The following C8orf74 variants were observed in gnomAD, a reference collection of about 807,000 sequenced individuals.
C8orf74 encodes the protein chromosome 8 open reading frame 74, also known as uncharacterized protein C8orf74.
A neutral mutation model predicts 22.2 loss-of-function variants in C8orf74; 29 were observed. The observed-to-expected ratio is 1.31, with a 90% confidence interval of 0.97 to 1.78. The LOEUF (loss-of-function observed/expected upper bound fraction) is 1.78. C8orf74 is among the 40% of genes most tolerant of loss of function. C8orf74 has a pLI of 0.00. For synonymous variants in C8orf74, 255 were observed against 163.1 expected (o/e 1.56, Z -4.30); for missense variants, 515 against 369.9 (o/e 1.39, Z -3.22).
chr8:10,684,919 C>T (rs373980843), intron 2 of C8orf74, among the ~76,000 whole-genome samples: 2 of 152,148 alleles, frequency 1.3e-5, no homozygotes, highest in African/African-American at 4.8e-5. Context: ...CGTCGACGGC[C>T]CATCTGATAA....
intron 2 of C8orf74, among the ~76,000 whole-genome samples, chr8:10,678,592 T>TAA (rs60385154): frequency 1.5e-3 from 192 of 130,968 alleles, no homozygotes; most frequent in Non-Finnish European, 2.7e-3. Context: ...GGAAGTAATT[T>TAA]AAAAAAAAAA....
At chr8:10,674,884 G>C in intron 2 of C8orf74, 46 bp downstream of exon 2, 2 of 1,509,734 alleles carry the variant, frequency 1.3e-6, no homozygotes, top group Non-Finnish European at 1.8e-6. Context: ...GGCGGGATGG[G>C]GTGGGTACAC....
In C8orf74 at chr8:10,674,849, T is replaced by C. The variant is rs1331455197; in HGVS notation, c.241+11T>C. ...TAAGGGAAACCAAAGGTATGGTGTG[T>C]CCAGGGCAGGAGTCAGCAGAGGCTG... On this transcript the variant is annotated intron_variant, in intron 2 of 3. Coordinates refer to ENST00000304519, the MANE Select transcript of C8orf74 (RefSeq NM_001040032.2). 1.3e-6 allele frequency: 2 copies of C among 1,579,258 alleles called. No individual in the cohort carries two copies. The highest frequency in any genetic ancestry group is 1.7e-4 in the Middle Eastern group (1 of 6,026).
chr8:10,686,675 G>C (rs1241344781), intron 2 of C8orf74: 1 of 158,698 alleles, frequency 6.3e-6, no homozygotes, highest in African/African-American at 2.4e-5. Flanking sequence ...GGAATACCTG[G>C]TGGTATTAAA....
intron 2 of C8orf74, chr8:10,689,359 C>A (rs765598223): frequency 6.6e-6 from 1 of 152,192 alleles, no homozygotes; most frequent in Admixed American, 6.5e-5. Flanking sequence ...CTCCTTGGTC[C>A]AGAGAGACTA....
chr8:10,676,825 C>G (rs934024161), intron 2 of C8orf74, among the ~76,000 whole-genome samples: 3 of 152,148 alleles, frequency 2.0e-5, no homozygotes, highest in Non-Finnish European at 2.9e-5. Flanking sequence ...TGTCTGAGCT[C>G]TAGAGGGGCT....
In C8orf74 at chr8:10,700,322, G is replaced by T. The variant is rs374916501; in HGVS notation, c.736G>T (p.Ala246Ser). The change falls in exon 4 of 4, where the codon GCC (alanine) becomes TCC (serine). Residue 246 changes from alanine (A) to serine (S), a missense_variant. Ala to Ser is a moderately conservative substitution (Grantham distance 99). Coordinates refer to ENST00000304519, the MANE Select transcript of C8orf74 (RefSeq NM_001040032.2). ...GCAGCGCCAGATCCAGAACACATTC[G>T]CCATCTTGGACCTGAAGCTTCAGAA... ...LLQRQIQNTF[A>S]ILDLKLQKKT... The T allele has an allele frequency of 1.2e-6, 2 of 1,613,698 alleles. No homozygotes were observed. Among genetic ancestry groups the T allele is most frequent in the Admixed American group, 1.7e-5 (1 of 60,004 alleles).
chr8:10,674,597 C>T (rs1344871682), intron 1 of C8orf74, 49 bp from the exon 2 acceptor site: 1 of 1,500,068 alleles, frequency 6.7e-7, no homozygotes, highest in Non-Finnish European at 9.0e-7. Flanking sequence ...TATATCATGC[C>T]CTGCAACCCC....
intron 2 of C8orf74, among the ~76,000 whole-genome samples, chr8:10,683,042 A>T (rs975554958): frequency 1.3e-5 from 2 of 152,246 alleles, no homozygotes; most frequent in African/African-American, 4.8e-5. Context: ...GTGACTTTTC[A>T]TTTGGACAAC....
intron 2 of C8orf74, among the ~76,000 whole-genome samples, chr8:10,688,010 A>C (rs902756684): frequency 2.6e-4 from 39 of 152,128 alleles, no homozygotes; most frequent in African/African-American, 8.9e-4. Flanking sequence ...ATTCAAGACC[A>C]GCCTGGCCAA....
intron 2 of C8orf74, among the ~76,000 whole-genome samples, chr8:10,695,069 A>G (rs1799461624): frequency 6.6e-6 from 1 of 151,476 alleles, no homozygotes; most frequent in African/African-American, 2.4e-5. Flanking sequence ...GAAGGAAGGA[A>G]GGAATAGAGG....
intron 3 of C8orf74, among the ~76,000 whole-genome samples, chr8:10,699,824 A>G (rs1385603298): frequency 3.3e-5 from 5 of 152,238 alleles, no homozygotes; most frequent in Admixed American, 6.5e-5. Flanking sequence ...GGTAGGGTCT[A>G]TAGGAAATAT....
intron 2 of C8orf74, among the ~76,000 whole-genome samples, chr8:10,678,882 G>A (rs1349932011): frequency 2.6e-5 from 4 of 152,206 alleles, no homozygotes; most frequent in African/African-American, 7.2e-5. Flanking sequence ...GGCTGGCCCA[G>A]GTGGCGTCCT....
intron 2 of C8orf74, among the ~76,000 whole-genome samples, chr8:10,685,497 C>T (rs137938932): frequency 0.023 from 3,458 of 152,240 alleles, 124 homozygotes; most frequent in African/African-American, 0.079. Flanking sequence ...TGCTACGACA[C>T]GGAGGAACCT....
chr8:10,684,656 T>C (rs1289063998), intron 2 of C8orf74, among the ~76,000 whole-genome samples: 2 of 152,228 alleles, frequency 1.3e-5, no homozygotes, highest in Non-Finnish European at 2.9e-5. Flanking sequence ...ACACCCTATA[T>C]CCACTACTCA....
At chr8:10,699,924 T>C (rs947148978) in intron 3 of C8orf74, among the ~76,000 whole-genome samples, 4 of 152,180 alleles carry the variant, frequency 2.6e-5, no homozygotes, top group South Asian at 2.1e-4. Flanking sequence ...GGAATGACTA[T>C]TGGAATCCAA....
At chr8:10,699,562 C>T (rs112902917) in intron 3 of C8orf74, among the ~76,000 whole-genome samples, 2 of 152,248 alleles carry the variant, frequency 1.3e-5, no homozygotes, top group African/African-American at 2.4e-5. Flanking sequence ...AACACAGTTA[C>T]GTGGTCCATG....
chr8:10,684,923 C>T (rs986160595), intron 2 of C8orf74, among the ~76,000 whole-genome samples: 1 of 152,196 alleles, frequency 6.6e-6, no homozygotes, highest in Admixed American at 6.5e-5. Context: ...GACGGCCCAT[C>T]TGATAACGGA....
chr8:10,684,608 C>G (rs1197504471), intron 2 of C8orf74, among the ~76,000 whole-genome samples: 3 of 152,196 alleles, frequency 2.0e-5, no homozygotes, highest in Non-Finnish European at 2.9e-5. Flanking sequence ...AGATATATTT[C>G]AAAACCCCAA....
Sources: gnomAD v4.1 joint callset for allele counts (sites outside exome capture counted in the v4.1 genomes callset) on GRCh38, gnomAD v4.1.1 for gene constraint, MANE v1.5 for transcripts, NCBI Gene and HGNC (gene_info 2026-07-23, HGNC 2026-07-21) for gene names.